The following DMD variants were observed in gnomAD, a reference collection of about 807,000 sequenced individuals.
The protein encoded by DMD is dystrophin, also known as mutant dystrophin.
In DMD, 63 loss-of-function variants were observed where a neutral mutation model predicts 330.1. The ratio of observed to expected loss-of-function variants is 0.19; its 90% CI spans 0.16 to 0.24. DMD has a LOEUF of 0.24. DMD is among the 10% of genes least tolerant of loss of function. The probability of loss-of-function intolerance (pLI) is 1.00; values close to 1 mark genes in which losing one functional copy is unlikely to be tolerated. For synonymous variants in DMD, 1,223 were observed against 959.8 expected (o/e 1.27, Z -5.07); for missense variants, 3,344 against 2,684.1 (o/e 1.25, Z -5.43).
intron 25 of DMD, among the ~76,000 whole-genome samples, chrX:32,458,455 A>C: frequency 9.0e-6 from 1 of 111,527 alleles, no homozygotes; most frequent in Middle Eastern, 4.6e-3. Context: ...CTGTAAACAT[A>C]GGGGTGCAGA....
intron 44 of DMD, among the ~76,000 whole-genome samples, chrX:32,015,636 T>C (rs748862937): frequency 2.1e-4 from 24 of 112,218 alleles, no homozygotes; most frequent in Non-Finnish European, 4.1e-4. Flanking sequence ...TTTAATAATC[T>C]ACTGGCTTTC....
At chrX:31,602,291 T>C (rs2077405280) in intron 55 of DMD, among the ~76,000 whole-genome samples, 2 of 109,891 alleles carry the variant, frequency 1.8e-5, no homozygotes, top group Non-Finnish European at 3.8e-5. Context: ...CTTGTTTTGT[T>C]TGAGGTCAAT....
intron 16 of DMD, among the ~76,000 whole-genome samples, chrX:32,554,915 AAGAAAGAAAGAAAGAAAGAAAGAAAGAG>A (rs201532146): frequency 0.34 from 22,667 of 66,932 alleles, 4,408 homozygotes; most frequent in East Asian, 0.59. Flanking sequence ...GAAAGAAAGA[AAGAAAGAAAGAAAGAAAGAAAGAAAGAG>A]AGAGAGAGGG....
intron 44 of DMD, among the ~76,000 whole-genome samples, chrX:32,000,974 G>A (rs1375255917): frequency 1.8e-5 from 2 of 110,726 alleles, no homozygotes; most frequent in Admixed American, 1.9e-4. Context: ...CATACAACGG[G>A]CACATATAAG....
chrX:32,243,684 A>C (rs1205739832), intron 43 of DMD, among the ~76,000 whole-genome samples: 4 of 111,669 alleles, frequency 3.6e-5, no homozygotes, highest in African/African-American at 9.7e-5. Flanking sequence ...ATTTCATTTA[A>C]TGTAAGTTAC....
rs113575525 is a variant in DMD at position 32,883,285 on chromosome X, C to T, written c.94-33465G>A. 4.5e-3 allele frequency among the ~76,000 whole-genome samples: 500 copies of T among 111,704 alleles called. 8 individuals carry two copies. The East Asian group carries it at 0.065, about 15-fold the overall frequency. On this transcript the variant is annotated intron_variant, in intron 2 of 78. Coordinates refer to ENST00000357033, the MANE Select transcript of DMD (RefSeq NM_004006.3). The stretch of plus-strand genomic sequence containing the variant: ...AGAAAAATCAATTTCAGGCACTGAA[C>T]GGCAATTGTGTAACTTATTTATTAA...
intron 18 of DMD, among the ~76,000 whole-genome samples, chrX:32,508,100 T>C (rs73619101): frequency 0.029 from 3,249 of 110,739 alleles, 122 homozygotes; most frequent in African/African-American, 0.099. Context: ...GCCAACAAGA[T>C]ATCACAAGGA....
At chrX:31,206,137 T>C (rs1357383749) in intron 66 of DMD, among the ~76,000 whole-genome samples, 2 of 112,769 alleles carry the variant, frequency 1.8e-5, no homozygotes, top group Non-Finnish European at 3.7e-5. Flanking sequence ...CGGAATTGGA[T>C]GTGTCAGTAC....
At chrX:32,498,773 GA>G (rs1052589452) in intron 19 of DMD, among the ~76,000 whole-genome samples, 2 of 111,661 alleles carry the variant, frequency 1.8e-5, no homozygotes, top group African/African-American at 6.5e-5. Context: ...ATGTGACACT[GA>G]AAAACTGTAC....
intron 16 of DMD, 65 bp from the exon 17 acceptor site, chrX:32,545,399 G>T: frequency 9.4e-7 from 1 of 1,059,541 alleles, no homozygotes; most frequent in Admixed American, 2.2e-5. Context: ...ACTGCTTGGA[G>T]TGGCAAAGGA....
intron 60 of DMD, among the ~76,000 whole-genome samples, chrX:31,415,063 T>C (rs1183880068): frequency 8.9e-6 from 1 of 112,267 alleles, no homozygotes; most frequent in African/African-American, 3.2e-5. Flanking sequence ...AAAGGCACTC[T>C]TTAAGAGAAA....
rs537753163 is a variant in DMD, at chrX:31,386,605, A to T, written c.9085-37971T>A. ...TTATGCTCCCTGGGGACAGGGGTCTAATCCATCTCTGTGTTTCCAGAATTT... is the reference window on the plus strand; with the variant it reads ...TTATGCTCCCTGGGGACAGGGGTCTTATCCATCTCTGTGTTTCCAGAATTT... On this transcript the variant is annotated intron_variant, in intron 60 of 78. Transcript: ENST00000357033. 6.3e-4 allele frequency among the ~76,000 whole-genome samples: 71 copies of T among 112,204 alleles called. No individual in the cohort carries two copies. The South Asian group carries it at 0.026, about 41-fold the overall frequency.
chrX:31,750,819 T>C (rs1472263853), intron 51 of DMD, among the ~76,000 whole-genome samples: 1 of 102,405 alleles, frequency 9.8e-6, no homozygotes, highest in Non-Finnish European at 2.0e-5. Context: ...AAAATCAATG[T>C]ACAAAAATCA....
chrX:32,291,412 T>G (rs982798626), intron 42 of DMD, among the ~76,000 whole-genome samples: 2 of 111,999 alleles, frequency 1.8e-5, no homozygotes, highest in Non-Finnish European at 3.8e-5. Context: ...TATTCTCTCA[T>G]GAGAACTTTT....
chrX:32,204,976 A>ATCTCTCTC lies in DMD; in HGVS notation c.6438+11932_6438+11939dup, dbSNP rs200970973. ...TTCGGAGGTGATAAACATCCAAGCCATCTCTCTCTCTCTCTCTCTCTCTCT... is the reference window on the plus strand; with the variant it reads ...TTCGGAGGTGATAAACATCCAAGCCATCTCTCTCTCTCTCTCTCTCTCTCTCTCTCTCT... On this transcript the variant is annotated intron_variant, in intron 44 of 78. Transcript: ENST00000357033. Among the ~76,000 whole-genome samples the ATCTCTCTC allele has an allele frequency of 5.9e-3, 266 of 45,303 alleles. 4 individuals are homozygous for ATCTCTCTC. The highest frequency in any genetic ancestry group is 0.017 in the East Asian group (29 of 1,699). The allele number at this position is 45,303 out of a possible 115,157, so 39.3% of individuals were successfully genotyped here. A position where few individuals can be genotyped will look rare whatever the true frequency, so the allele number is the denominator to read the frequency against.
intron 2 of DMD, among the ~76,000 whole-genome samples, chrX:32,941,569 A>T (rs1330968299): frequency 1.8e-5 from 2 of 111,328 alleles, no homozygotes; most frequent in Non-Finnish European, 3.8e-5. Flanking sequence ...GCCAAATACC[A>T]CATGTTCTCA....
rs1459819610 is a variant in DMD, at chrX:32,680,818, A to G, written c.960+17052T>C. Among the ~76,000 whole-genome samples the G allele has an allele frequency of 1.3e-3, 146 of 110,348 alleles. 2 individuals are homozygous for G. In the Admixed American group the frequency reaches 0.014, roughly 11 times the overall value. On this transcript the variant is annotated intron_variant, in intron 9 of 78. Coordinates refer to ENST00000357033, the MANE Select transcript of DMD (RefSeq NM_004006.3). ...CACACACACACAGAAACACATACAC[A>G]CACACACACAGTCAAAGTTGTTTTG...
At chrX:31,667,930 T>C (rs1197180857) in intron 53 of DMD, among the ~76,000 whole-genome samples, 1 of 111,952 alleles carries the variant, frequency 8.9e-6, no homozygotes, top group East Asian at 2.8e-4. Context: ...TCTCAACACT[T>C]GTTATTGTCT....
chrX:31,569,652 A>ATATATACGTATATATATG (rs2075694238), intron 55 of DMD, among the ~76,000 whole-genome samples: 2 of 93,207 alleles, frequency 2.1e-5, no homozygotes, highest in Non-Finnish European at 4.2e-5. Flanking sequence ...GTATATACGT[A>ATATATACGTATATATATG]TATATACGTA....
Sources: gnomAD v4.1 joint callset for allele counts (sites outside exome capture counted in the v4.1 genomes callset) on GRCh38, gnomAD v4.1.1 for gene constraint, MANE v1.5 for transcripts, NCBI Gene and HGNC (gene_info 2026-07-23, HGNC 2026-07-21) for gene names.